Variants in SHISA5 observed in about 807,000 individuals in gnomAD.
SHISA5 encodes the protein protein shisa-5.
Under a neutral mutation model 27.5 loss-of-function variants are expected in SHISA5, and 21 were observed. The ratio of observed to expected loss-of-function variants is 0.76; its 90% CI spans 0.54 to 1.10. The LOEUF is 1.10. Ranked by LOEUF, SHISA5 falls within the 50% of genes least tolerant of loss-of-function variation. The probability of loss-of-function intolerance (pLI) is 0.00; values close to 1 mark genes in which losing one functional copy is unlikely to be tolerated. For synonymous variants in SHISA5, 137 were observed against 142.2 expected (o/e 0.96, Z 0.26); for missense variants, 314 against 336.3 (o/e 0.93, Z 0.52).
At chr3:48,482,837 G>T (rs1396260114) in intron 2 of SHISA5, among the ~76,000 whole-genome samples, 2 of 152,086 alleles carry the variant, frequency 1.3e-5, no homozygotes, top group Non-Finnish European at 2.9e-5. Flanking sequence ...GTTTCACCAT[G>T]TTAGTCAGGC....
rs534476959 is a variant in SHISA5, at chr3:48,499,945, C to A, written c.233+1192G>T. 3.0e-4 allele frequency among the ~76,000 whole-genome samples: 45 copies of A among 148,258 alleles called. No homozygotes were observed. The South Asian group carries it at 7.6e-3, about 25-fold the overall frequency. On this transcript the variant is annotated intron_variant, in intron 2 of 5. Coordinates refer to ENST00000296444, the MANE Select transcript of SHISA5 (RefSeq NM_016479.6). ...AGAAGACCTGTCAGGAACCCTCAGG[C>A]AGGACTGACAGGTGTGCAGCCCTGT...
rs186867829 is a variant in SHISA5 at position 48,483,113 on chromosome 3, T to C, written c.234-3856A>G. Among the ~76,000 whole-genome samples the C allele has an allele frequency of 5.5e-3, 826 of 150,810 alleles. 11 individuals carry two copies. The highest frequency in any genetic ancestry group is 0.019 in the African/African-American group (783 of 40,788). On this transcript the variant is annotated intron_variant, in intron 2 of 5. Coordinates refer to ENST00000296444, the MANE Select transcript of SHISA5 (RefSeq NM_016479.6). ...CTAATTTTTTTTTTTTTTTTATTGA[T>C]CATTCTTGGGTGTTTCTCGCAGAGG...
At position 48,469,473 on chromosome 3, in the gene SHISA5, G is replaced by A. The variant is rs1429121048; in HGVS notation, c.531C>T (p.Tyr177=). 2 of 1,613,970 alleles carry A rather than the reference G, an allele frequency of 1.2e-6. No homozygotes were observed. The highest frequency in any genetic ancestry group is 4.5e-5 in the East Asian group (2 of 44,884). Residue 177 remains tyrosine (Y), a synonymous_variant, in exon 5 of 6, where the codon TAC becomes TAT. Transcript: ENST00000296444. This position sits in a 1 kb window ranked among gnomAD's most constrained non-coding sequence, Gnocchi z 4.6. ...PSYPGPSYQG[Y]HTMPPQPGMP... ...TCCCTGGCTGAGGCGGCATGGTGTGGTAGCCCTGGTAGCTTGGTCCAGGGT... is the reference window on the plus strand; with the variant it reads ...TCCCTGGCTGAGGCGGCATGGTGTGATAGCCCTGGTAGCTTGGTCCAGGGT...
chr3:48,470,324 CCCAGGAGGG>C lies in SHISA5; in HGVS notation c.315-490_315-482del, dbSNP rs1370765044. ...GCACAGGGTGAAGACTGAGAGAAGC[CCCAGGAGGG>C]CAGAGGCCAGTGTGGCCAGAACAGG... On this transcript the variant is annotated intron_variant, in intron 3 of 5. Coordinates refer to ENST00000296444, the MANE Select transcript of SHISA5 (RefSeq NM_016479.6). This position sits in a 1 kb window ranked among gnomAD's most constrained non-coding sequence, Gnocchi z 4.3. Among the ~76,000 whole-genome samples the C allele has an allele frequency of 2.0e-5, 3 of 152,212 alleles. No individual in the cohort carries two copies. Among genetic ancestry groups the C allele is most frequent in the Non-Finnish European group, 4.4e-5 (3 of 68,040 alleles).
Position 48,468,212 on chromosome 3 carries a change from T to TATC in SHISA5, c.*892_*894dup. 3.0e-6 allele frequency: 3 copies of TATC among 1,001,888 alleles called. No individual in the cohort carries two copies. The highest frequency in any genetic ancestry group is 4.3e-5 in the South Asian group (1 of 23,284). 62.1% of individuals were successfully genotyped at this position (1,001,888 alleles called of 1,614,324 possible). On this transcript the variant is annotated 3_prime_UTR_variant, in exon 6 of 6. Coordinates refer to ENST00000296444, the MANE Select transcript of SHISA5 (RefSeq NM_016479.6). ...CCACAACCCAGGGGTTTCAGTCTCA[T>TATC]ATCAACTATCATGTTTGAAACAGAA...
intron 1 of SHISA5, chr3:48,503,636 A>G (rs2041818300): frequency 2.2e-6 from 2 of 927,944 alleles, no homozygotes; most frequent in African/African-American, 3.5e-5. Context: ...GACATTAAAC[A>G]GAGGCAAAGA....
At position 48,467,977 on chromosome 3, in the gene SHISA5, G is replaced by T; in HGVS notation, c.*1130C>A. 2 of 272,428 alleles carry T rather than the reference G, an allele frequency of 7.3e-6. No homozygotes were observed. Among genetic ancestry groups the T allele is most frequent in the Non-Finnish European group, 1.3e-5 (2 of 153,016 alleles). The allele number at this position is 272,428 out of a possible 1,614,324, so 16.9% of individuals were successfully genotyped here. A position where few individuals can be genotyped will look rare whatever the true frequency, so the allele number is the denominator to read the frequency against. ...CTCTGGTGAAACAGTAATAGAGGGAGGAGGAACACGAGGTATTCATGTCTG... is the reference window on the plus strand; with the variant it reads ...CTCTGGTGAAACAGTAATAGAGGGATGAGGAACACGAGGTATTCATGTCTG... On this transcript the variant is annotated 3_prime_UTR_variant, in exon 6 of 6. Transcript: ENST00000296444.
chr3:48,502,533 A>T, intron 1 of SHISA5: 1 of 372,740 alleles, frequency 2.7e-6, no homozygotes, highest in Admixed American at 3.1e-5. Context: ...GGTCATGCTG[A>T]GGGGATCTGG....
At chr3:48,493,128 T>C (rs1575328208) in intron 2 of SHISA5, among the ~76,000 whole-genome samples, 1 of 14,512 alleles carries the variant, frequency 6.9e-5, no homozygotes, top group African/African-American at 4.8e-4. Flanking sequence ...ACCACCAAAA[T>C]TGCTAAAATT....
In SHISA5 at chr3:48,468,627, C is replaced by A. The variant is rs1430510925; in HGVS notation, c.*480G>T. Reference sequence around the variant, plus strand: ...CTGGCTCTGCAACGGGTACCCCCAACTCCGGGGACGAGCCATGGCCTCAAG... The same window carrying A: ...CTGGCTCTGCAACGGGTACCCCCAAATCCGGGGACGAGCCATGGCCTCAAG... On this transcript the variant is annotated 3_prime_UTR_variant, in exon 6 of 6. Coordinates refer to ENST00000296444, the MANE Select transcript of SHISA5 (RefSeq NM_016479.6). 4 of 1,199,018 alleles carry A rather than the reference C, an allele frequency of 3.3e-6. No individual in the cohort carries two copies. In the African/African-American group the frequency reaches 4.8e-5, roughly 14 times the overall value. The allele number at this position is 1,199,018 out of a possible 1,614,324, so 74.3% of individuals were successfully genotyped here.
At position 48,501,280 on chromosome 3, in the gene SHISA5, C is replaced by T. The variant is rs777813166; in HGVS notation, c.90G>A (p.Val30=). 2 of 1,613,940 alleles carry T rather than the reference C, an allele frequency of 1.2e-6. No individual in the cohort carries two copies. The highest frequency in any genetic ancestry group is 1.1e-5 in the South Asian group (1 of 91,072). ...LTPPPGARGE[V]CMASRGLSLF... ...GGCTGAGTCCACGGGAAGCCATACA[C>T]ACCTCACCACGTGCTGGAGAGGAGA... is the stretch of plus-strand genomic sequence containing the variant. The change falls in exon 2 of 6, where the codon GTG becomes GTA. Residue 30 remains valine (V), a synonymous_variant. Transcript: ENST00000296444.
intron 3 of SHISA5, among the ~76,000 whole-genome samples, chr3:48,476,208 G>T (rs1245882964): frequency 6.6e-6 from 1 of 152,168 alleles, no homozygotes; most frequent in Non-Finnish European, 1.5e-5. Flanking sequence ...GGGCATGGTG[G>T]CCGGCACCTG....
At chr3:48,481,722 G>C (rs2041024925) in intron 2 of SHISA5, among the ~76,000 whole-genome samples, 1 of 151,792 alleles carries the variant, frequency 6.6e-6, no homozygotes, top group African/African-American at 2.4e-5. Flanking sequence ...GGGAGGTGGA[G>C]GTTGCTGTGA....
At chr3:48,498,133 A>C (rs1057287909) in intron 2 of SHISA5, among the ~76,000 whole-genome samples, 3 of 152,226 alleles carry the variant, frequency 2.0e-5, no homozygotes, top group African/African-American at 7.2e-5. Context: ...ACAAATGCAC[A>C]AAAAGCATTT....
Position 48,495,568 on chromosome 3 carries a change from C to CTA in SHISA5, c.233+5567_233+5568dup, listed in dbSNP as rs2041516452. On this transcript the variant is annotated intron_variant, in intron 2 of 5. Coordinates refer to ENST00000296444, the MANE Select transcript of SHISA5 (RefSeq NM_016479.6). The stretch of plus-strand genomic sequence containing the variant: ...GGAGTCTCTCTCTCTGTTGCCCAGG[C>CTA]TAGAGTACAGTGACACAATATCAGC... Among the ~76,000 whole-genome samples, 2 of 146,530 alleles carry CTA rather than the reference C, an allele frequency of 1.4e-5. 1 individual carries two copies. The highest frequency in any genetic ancestry group is 5.5e-5 in the African/African-American group (2 of 36,610).
chr3:48,481,986 G>A (rs113846108), intron 2 of SHISA5, among the ~76,000 whole-genome samples: 1 of 144,988 alleles, frequency 6.9e-6, no homozygotes, highest in Non-Finnish European at 1.5e-5. Context: ...GGAGAATGGT[G>A]TGAACCCGGG....
chr3:48,499,634 C>T (rs1402112030), intron 2 of SHISA5, among the ~76,000 whole-genome samples: 1 of 145,460 alleles, frequency 6.9e-6, no homozygotes, highest in Admixed American at 7.0e-5. Flanking sequence ...GAGCCAAGAT[C>T]GCACCACCAC....
upstream of SHISA5, chr3:48,504,365 T>G: frequency 6.4e-6 from 2 of 310,712 alleles, no homozygotes; most frequent in East Asian, 5.0e-5. This position sits in a 1 kb window ranked among gnomAD's most constrained non-coding sequence, Gnocchi z 4.0. Context: ...GAAAACTTGG[T>G]ACCGGTTCCC....
intron 2 of SHISA5, among the ~76,000 whole-genome samples, chr3:48,490,421 G>A (rs2041387942): frequency 6.6e-6 from 1 of 152,234 alleles, no homozygotes; most frequent in Non-Finnish European, 1.5e-5. Context: ...AGAGCCATGG[G>A]GGTGCAGCCC....
Sources: gnomAD v4.1 joint callset for allele counts (sites outside exome capture counted in the v4.1 genomes callset) on GRCh38, gnomAD v4.1.1 for gene constraint, Gnocchi (gnomAD v3.1) non-coding constraint, MANE v1.5 for transcripts, NCBI Gene and HGNC (gene_info 2026-07-23, HGNC 2026-07-21) for gene names.